Variants in PITPNC1 observed in about 807,000 individuals in gnomAD.
PITPNC1 encodes cytoplasmic phosphatidylinositol transfer protein 1.
Under a neutral mutation model 44.7 loss-of-function variants are expected in PITPNC1, and 18 were observed. The ratio of observed to expected loss-of-function variants is 0.40; its 90% CI spans 0.28 to 0.60. The LOEUF is 0.60. Among genes scored for constraint, PITPNC1 ranks in the 20% least tolerant of loss-of-function variants. The pLI, the probability that PITPNC1 is intolerant of heterozygous loss-of-function variation, is 0.39. For missense variants in PITPNC1, 290 were observed against 418.4 expected, an observed-to-expected ratio of 0.69 and a Z score of 2.68; for synonymous variants, 141 against 149.6, an observed-to-expected ratio of 0.94 and a Z score of 0.42.
intron 6 of PITPNC1, among the ~76,000 whole-genome samples, chr17:67,659,117 C>T (rs990169368): frequency 1.3e-5 from 2 of 152,152 alleles, no homozygotes; most frequent in African/African-American, 4.8e-5. Flanking sequence ...TGGGAAAGAA[C>T]AAAGCAGCAT....
At chr17:67,441,803 A>G (rs1040824500) in intron 1 of PITPNC1, among the ~76,000 whole-genome samples, 9 of 152,128 alleles carry the variant, frequency 5.9e-5, no homozygotes, top group Admixed American at 5.2e-4. Flanking sequence ...GCTGTTCGGC[A>G]AGAGAGGCTG....
At chr17:67,479,730 C>T (rs1321588323) in intron 1 of PITPNC1, among the ~76,000 whole-genome samples, 3 of 152,074 alleles carry the variant, frequency 2.0e-5, no homozygotes, top group Admixed American at 6.6e-5. Context: ...GATATCCTGC[C>T]GTCTGATTTC....
chr17:67,415,471 A>G (rs2038573393), intron 1 of PITPNC1, among the ~76,000 whole-genome samples: 1 of 152,134 alleles, frequency 6.6e-6, no homozygotes, highest in African/African-American at 2.4e-5. Context: ...GTGACATTTA[A>G]AGTCCGCCTG....
At chr17:67,680,724 A>C (rs987402777) in intron 8 of PITPNC1, among the ~76,000 whole-genome samples, 4 of 152,166 alleles carry the variant, frequency 2.6e-5, no homozygotes, top group Non-Finnish European at 5.9e-5. Context: ...AAATGGAGTC[A>C]CCCTAAGCTT....
intron 4 of PITPNC1, among the ~76,000 whole-genome samples, chr17:67,561,177 C>T (rs1362876209): frequency 6.6e-6 from 1 of 152,072 alleles, no homozygotes. Context: ...ATGCAAAGGC[C>T]GGGTGTGGTG....
In PITPNC1 at chr17:67,676,792, G is replaced by A. The variant is rs570020516; in HGVS notation, c.682+1250G>A. On this transcript the variant is annotated intron_variant, in intron 8 of 8. Transcript: ENST00000581322. The surrounding 1 kb of genome is among the most constrained non-coding windows in gnomAD (Gnocchi z 4.0). ...AGCTATTTCTGAGCCACATTTAAAA[G>A]GCATGGTTCTATAAGCTATGGGCTT... is the stretch of plus-strand genomic sequence containing the variant. Among the ~76,000 whole-genome samples the A allele has an allele frequency of 5.9e-5, 9 of 152,080 alleles. No homozygotes were observed. Among genetic ancestry groups the A allele is most frequent in the African/African-American group, 2.2e-4 (9 of 41,506 alleles).
chr17:67,635,807 G>A (rs923511298), intron 6 of PITPNC1, among the ~76,000 whole-genome samples: 3 of 152,308 alleles, frequency 2.0e-5, no homozygotes, highest in Admixed American at 6.5e-5. Flanking sequence ...CCAAGAGATC[G>A]AGTAGGAAGA....
At chr17:67,598,419 C>T (rs1458881891) in intron 5 of PITPNC1, among the ~76,000 whole-genome samples, 1 of 152,118 alleles carries the variant, frequency 6.6e-6, no homozygotes, top group African/African-American at 2.4e-5. Context: ...TAGGAGATGC[C>T]ATGGTGCCCC....
intron 1 of PITPNC1, among the ~76,000 whole-genome samples, chr17:67,447,802 G>C (rs943854509): frequency 6.6e-6 from 1 of 152,132 alleles, no homozygotes; most frequent in African/African-American, 2.4e-5. Context: ...CCCCTGCTTT[G>C]AAGGTGTTTA....
At chr17:67,474,886 T>A (rs2039604508) in intron 1 of PITPNC1, among the ~76,000 whole-genome samples, 1 of 151,896 alleles carries the variant, frequency 6.6e-6, no homozygotes, top group Non-Finnish European at 1.5e-5. Context: ...ACTCTTGGGC[T>A]CAAGCAGTCC....
At chr17:67,552,597 A>C (rs1324680235) in intron 3 of PITPNC1, among the ~76,000 whole-genome samples, 2 of 151,838 alleles carry the variant, frequency 1.3e-5, no homozygotes, top group African/African-American at 4.8e-5. Context: ...TAGTTTACGG[A>C]GGGCCAGGCG....
At chr17:67,569,655 G>A (rs1414388358) in intron 4 of PITPNC1, among the ~76,000 whole-genome samples, 1 of 152,176 alleles carries the variant, frequency 6.6e-6, no homozygotes, top group Non-Finnish European at 1.5e-5. Flanking sequence ...TCATGGCAGG[G>A]AGCAGATGGC....
chr17:67,429,987 G>C (rs1186871443), intron 1 of PITPNC1, among the ~76,000 whole-genome samples: 1 of 152,210 alleles, frequency 6.6e-6, no homozygotes, highest in African/African-American at 2.4e-5. Flanking sequence ...GGAATTATCA[G>C]TGTAGTGGAA....
rs2143806241 is a variant in PITPNC1 at position 67,394,021 on chromosome 17, A to G, written c.48+15819A>G. On this transcript the variant is annotated intron_variant, in intron 1 of 8. Coordinates refer to ENST00000581322, the MANE Select transcript of PITPNC1 (RefSeq NM_012417.4). ...CACCCGCCTAATTTTTGTATTTTTC[A>G]CAGAGATGGGGCCTCACCACATTGA... Among the ~76,000 whole-genome samples, 5 of 152,240 alleles carry G rather than the reference A, an allele frequency of 3.3e-5. No homozygotes were observed. The Middle Eastern group carries it at 0.017, about 518-fold the overall frequency.
At position 67,617,692 on chromosome 17, in the gene PITPNC1, G is replaced by A. The variant is rs116726829; in HGVS notation, c.367-14451G>A. Among the ~76,000 whole-genome samples, 1,003 of 152,212 alleles carry A rather than the reference G, an allele frequency of 6.6e-3. 12 individuals carry two copies. The highest frequency in any genetic ancestry group is 0.023 in the African/African-American group (956 of 41,528). On this transcript the variant is annotated intron_variant, in intron 5 of 8. Coordinates refer to ENST00000581322, the MANE Select transcript of PITPNC1 (RefSeq NM_012417.4). ...TCCTTGCCTCTTCCAGCCTCTGGTGGCTCCAGGCGTTTCTTGGCTCAGGGC... is the reference window on the plus strand; with the variant it reads ...TCCTTGCCTCTTCCAGCCTCTGGTGACTCCAGGCGTTTCTTGGCTCAGGGC...
At chr17:67,632,320 G>C in intron 6 of PITPNC1, 82 bp downstream of exon 6, 1 of 864,880 alleles carries the variant, frequency 1.2e-6, no homozygotes, top group Non-Finnish European at 1.9e-6. Flanking sequence ...TCCTAACTTG[G>C]GAGGATGCCA....
chr17:67,396,787 TG>T (rs1391649761), intron 1 of PITPNC1, among the ~76,000 whole-genome samples: 1 of 151,920 alleles, frequency 6.6e-6, no homozygotes, highest in Non-Finnish European at 1.5e-5. Flanking sequence ...CCTGAATAGC[TG>T]GGACCACAGG....
At chr17:67,459,113 C>CTTTTTTTTTTTTTTTTTTTTT (rs886333854) in intron 1 of PITPNC1, among the ~76,000 whole-genome samples, 2 of 95,732 alleles carry the variant, frequency 2.1e-5, no homozygotes, top group Admixed American at 1.1e-4. Flanking sequence ...TTTTCTTTTT[C>CTTTTTTTTTTTTTTTTTTTTT]TTTTTTTTTT....
intron 1 of PITPNC1, among the ~76,000 whole-genome samples, chr17:67,513,975 A>G: frequency 6.6e-6 from 1 of 151,816 alleles, no homozygotes; most frequent in Non-Finnish European, 1.5e-5. Context: ...AAGCCCACCG[A>G]AGACCCGCCT....
Sources: allele counts gnomAD v4.1 joint callset (sites outside exome capture counted in the v4.1 genomes callset), GRCh38; gene constraint gnomAD v4.1.1; non-coding constraint Gnocchi (gnomAD v3.1); transcripts MANE v1.5; gene names NCBI Gene and HGNC (gene_info 2026-07-23, HGNC 2026-07-21).